The following CNTN4 variants were observed in gnomAD, a reference collection of about 807,000 sequenced individuals.
The protein encoded by CNTN4 is contactin-4.
Under a neutral mutation model 122.5 loss-of-function variants are expected in CNTN4, and 77 were observed. The observed-to-expected ratio is 0.63, with a 90% CI of 0.52 to 0.76. The LOEUF is 0.76. Ranked by LOEUF, CNTN4 falls within the 30% of genes least tolerant of loss-of-function variation. The pLI is 0.00. For missense variants in CNTN4, 1,256 were observed against 1,259.1 expected (o/e 1.00, Z 0.04); for synonymous variants, 512 against 447.0 (o/e 1.15, Z -1.83).
chr3:2,375,146 A>T (rs143859204), intron 3 of CNTN4, among the ~76,000 whole-genome samples: 1 of 152,350 alleles, frequency 6.6e-6, no homozygotes, highest in African/African-American at 2.4e-5. Context: ...GACAGTAGAC[A>T]GTCTCTAGTG....
chr3:2,987,407 G>C (rs1322566744), intron 13 of CNTN4, among the ~76,000 whole-genome samples: 1 of 152,178 alleles, frequency 6.6e-6, no homozygotes, highest in Non-Finnish European at 1.5e-5. Context: ...ACTGAAGAAT[G>C]GATTTGAGGG....
intron 10 of CNTN4, 123 bp from the exon 11 acceptor site, chr3:2,900,562 T>C: frequency 9.3e-7 from 1 of 1,077,458 alleles, no homozygotes; most frequent in Non-Finnish European, 1.4e-6. Context: ...GTCTTGTTAT[T>C]TGCATAACAT....
At chr3:2,299,306 A>G (rs2042419600) in intron 2 of CNTN4, among the ~76,000 whole-genome samples, 1 of 152,172 alleles carries the variant, frequency 6.6e-6, no homozygotes, top group African/African-American at 2.4e-5. Flanking sequence ...CTTTTATTTT[A>G]CTGGATGCTA....
At chr3:2,631,879 C>CAAA (rs1027845200) in intron 4 of CNTN4, among the ~76,000 whole-genome samples, 1 of 113,420 alleles carries the variant, frequency 8.8e-6, no homozygotes, top group Non-Finnish European at 1.7e-5. Flanking sequence ...AAAAAAAAAA[C>CAAA]AAAAAAAAAC....
At chr3:2,604,261 G>A (rs920132391) in intron 4 of CNTN4, among the ~76,000 whole-genome samples, 1 of 152,110 alleles carries the variant, frequency 6.6e-6, no homozygotes, top group Non-Finnish European at 1.5e-5. Flanking sequence ...TTTAAAAAGT[G>A]GAGGATTTCC....
chr3:2,246,822 CAG>C (rs1186951956), intron 2 of CNTN4, among the ~76,000 whole-genome samples: 6 of 151,876 alleles, frequency 4.0e-5, no homozygotes, highest in African/African-American at 7.2e-5. Flanking sequence ...AAAGTCCTCT[CAG>C]GGGGATTCAG....
intron 2 of CNTN4, among the ~76,000 whole-genome samples, chr3:2,196,282 GA>G (rs1456354434): frequency 6.6e-6 from 1 of 152,188 alleles, no homozygotes; most frequent in African/African-American, 2.4e-5. Flanking sequence ...AGTGGTGTGA[GA>G]GTGTTTGTTG....
At chr3:2,315,224 G>A (rs905437307) in intron 2 of CNTN4, among the ~76,000 whole-genome samples, 7 of 138,832 alleles carry the variant, frequency 5.0e-5, no homozygotes, top group Non-Finnish European at 8.1e-5. Flanking sequence ...TTTTTTGCAC[G>A]CTATAATAAG....
chr3:2,562,526 C>T (rs890899796), intron 3 of CNTN4, among the ~76,000 whole-genome samples: 4 of 152,108 alleles, frequency 2.6e-5, no homozygotes, highest in African/African-American at 9.7e-5. Flanking sequence ...TAATGGCCTC[C>T]AGCTGCATCC....
chr3:2,394,978 G>A (rs934310553), intron 3 of CNTN4, among the ~76,000 whole-genome samples: 1 of 151,834 alleles, frequency 6.6e-6, no homozygotes, highest in African/African-American at 2.4e-5. Flanking sequence ...GTAGACACGG[G>A]ATTTTACCAT....
At chr3:2,182,947 T>C (rs2037084375) in intron 2 of CNTN4, among the ~76,000 whole-genome samples, 1 of 152,114 alleles carries the variant, frequency 6.6e-6, no homozygotes, top group Admixed American at 6.6e-5. Context: ...TCACAAATAC[T>C]GAAAATCAAC....
At chr3:2,970,067 A>G (rs182957268) in intron 13 of CNTN4, among the ~76,000 whole-genome samples, 1 of 152,132 alleles carries the variant, frequency 6.6e-6, no homozygotes, top group African/African-American at 2.4e-5. Context: ...TATCAATAGC[A>G]TACTGTTTTT....
At chr3:2,842,117 C>T (rs141367569) in intron 7 of CNTN4, among the ~76,000 whole-genome samples, 140 of 152,092 alleles carry the variant, frequency 9.2e-4, no homozygotes, top group Non-Finnish European at 1.6e-3. Flanking sequence ...ATAAGGGCAA[C>T]GGAAAGCCAT....
intron 13 of CNTN4, among the ~76,000 whole-genome samples, chr3:2,953,419 G>A (rs535421037): frequency 4.6e-5 from 7 of 150,770 alleles, no homozygotes; most frequent in Admixed American, 1.3e-4. Flanking sequence ...ATCCAGGACC[G>A]CATAGGCCCC....
At chr3:2,818,984 G>A (rs1287212837) in intron 6 of CNTN4, among the ~76,000 whole-genome samples, 4 of 152,204 alleles carry the variant, frequency 2.6e-5, no homozygotes, top group African/African-American at 9.6e-5. Flanking sequence ...GGTTTGTGAA[G>A]TGAACAGAAT....
intron 7 of CNTN4, among the ~76,000 whole-genome samples, chr3:2,824,414 G>A (rs911929942): frequency 6.6e-5 from 10 of 151,714 alleles, no homozygotes; most frequent in African/African-American, 9.7e-5. Context: ...TGGAGATCGC[G>A]CCACTGCACT....
At chr3:2,329,017 G>A (rs2043596299) in intron 2 of CNTN4, among the ~76,000 whole-genome samples, 1 of 151,878 alleles carries the variant, frequency 6.6e-6, no homozygotes, top group Admixed American at 6.6e-5. Flanking sequence ...TATGAAGAAA[G>A]TTTATATCAA....
chr3:2,483,266 G>C (rs116890045), intron 3 of CNTN4, among the ~76,000 whole-genome samples: 1 of 152,116 alleles, frequency 6.6e-6, no homozygotes, highest in African/African-American at 2.4e-5. Context: ...GCCTGCAGCC[G>C]CTTTGTTTTG....
chr3:2,860,365 G>C (rs1467063330), intron 7 of CNTN4, among the ~76,000 whole-genome samples: 1 of 152,164 alleles, frequency 6.6e-6, no homozygotes, highest in Admixed American at 6.5e-5. Context: ...CCAAGTGACA[G>C]ATATCTGTCA....
Sources: gnomAD v4.1 joint callset for allele counts (sites outside exome capture counted in the v4.1 genomes callset) on GRCh38, gnomAD v4.1.1 for gene constraint, MANE v1.5 for transcripts, NCBI Gene and HGNC (gene_info 2026-07-23, HGNC 2026-07-21) for gene names.